Variants in STK33 observed in about 807,000 individuals in gnomAD.
STK33 encodes the protein serine/threonine-protein kinase 33.
Under a neutral mutation model 58.0 loss-of-function variants are expected in STK33, and 52 were observed. The ratio of observed to expected loss-of-function variants is 0.90; its 90% confidence interval spans 0.72 to 1.13. The LOEUF (loss-of-function observed/expected upper bound fraction) is 1.13. STK33 is among the 50% of genes most tolerant of loss of function. The pLI, the probability that STK33 is intolerant of heterozygous loss-of-function variation, is 0.00. For missense variants in STK33, 630 were observed against 604.2 expected (o/e 1.04, Z -0.45); for synonymous variants, 215 against 200.1 (o/e 1.07, Z -0.63).
chr11:8,451,584 G>T (rs1946282512), intron 11 of STK33, among the ~76,000 whole-genome samples: 1 of 152,178 alleles, frequency 6.6e-6, no homozygotes, highest in Non-Finnish European at 1.5e-5. Context: ...AGAGAGATTA[G>T]TGGCTACCTG....
At chr11:8,551,532 T>A (rs1369743033) in intron 1 of STK33, among the ~76,000 whole-genome samples, 2 of 152,170 alleles carry the variant, frequency 1.3e-5, no homozygotes, top group South Asian at 2.1e-4. Context: ...TCTCCCTGAG[T>A]TTTCACAATC....
chr11:8,553,167 A>AATATATATATAT (rs56363010), intron 1 of STK33, among the ~76,000 whole-genome samples: 1 of 68,184 alleles, frequency 1.5e-5, no homozygotes, highest in African/African-American at 4.4e-5. Context: ...CCAAAAATAA[A>AATATATATATAT]ATATATATAT....
chr11:8,585,014 C>G (rs1180651950), intron 1 of STK33, among the ~76,000 whole-genome samples: 2 of 151,168 alleles, frequency 1.3e-5, no homozygotes, highest in Non-Finnish European at 2.9e-5. Flanking sequence ...CCCCCGCCTC[C>G]TGGGTTCAAG....
At chr11:8,563,894 A>C (rs996379216) in intron 1 of STK33, among the ~76,000 whole-genome samples, 3 of 152,158 alleles carry the variant, frequency 2.0e-5, no homozygotes, top group African/African-American at 7.2e-5. Flanking sequence ...AACCTGGCAG[A>C]TTTGAGGAAA....
At chr11:8,461,968 T>C (rs993820845) in intron 7 of STK33, 59 bp from the exon 8 acceptor site, 3 of 1,324,518 alleles carry the variant, frequency 2.3e-6, no homozygotes, top group African/African-American at 3.0e-5. Context: ...CATTCCTTGA[T>C]AGAAAAGTTA....
intron 15 of STK33, among the ~76,000 whole-genome samples, chr11:8,395,766 T>C (rs1243465151): frequency 6.6e-6 from 1 of 152,236 alleles, no homozygotes; most frequent in African/African-American, 2.4e-5. Context: ...ATTTTGCACA[T>C]GACATTTTGC....
chr11:8,427,844 T>C (rs576413489), intron 14 of STK33, among the ~76,000 whole-genome samples: 36 of 152,334 alleles, frequency 2.4e-4, no homozygotes, highest in African/African-American at 7.9e-4. Flanking sequence ...TCTCTCTTAG[T>C]ATGTTCACTT....
intron 1 of STK33, among the ~76,000 whole-genome samples, chr11:8,548,918 G>A (rs1480520914): frequency 6.6e-6 from 1 of 152,024 alleles, no homozygotes; most frequent in Non-Finnish European, 1.5e-5. Flanking sequence ...TAATTTCTCA[G>A]ATTGTTCACT....
At chr11:8,360,400 C>A in the STK33 span, among the ~76,000 whole-genome samples, 1 of 152,250 alleles carries the variant, frequency 6.6e-6, no homozygotes, top group Admixed American at 6.5e-5. Context: ...CACACAAGGC[C>A]TAGCCCCAGG....
intron 6 of STK33, chr11:8,466,606 T>C (rs1214939944): frequency 6.6e-6 from 1 of 152,254 alleles, no homozygotes; most frequent in Admixed American, 6.5e-5. Context: ...ACATTAAGTG[T>C]CTGTGGCCTT....
intron 11 of STK33, among the ~76,000 whole-genome samples, chr11:8,448,847 ACCTACG>A (rs1945873316): frequency 6.6e-6 from 1 of 152,156 alleles, no homozygotes; most frequent in South Asian, 2.1e-4. Flanking sequence ...TGCACAGGCA[ACCTACG>A]GAATGGGAGA....
the STK33 span, among the ~76,000 whole-genome samples, chr11:8,337,737 T>G: frequency 3.3e-5 from 5 of 152,094 alleles, no homozygotes; most frequent in African/African-American, 4.8e-5. Flanking sequence ...GTCCTCACTT[T>G]GTTCACCCCA....
the STK33 span, among the ~76,000 whole-genome samples, chr11:8,368,382 C>T: frequency 6.6e-6 from 1 of 152,216 alleles, no homozygotes; most frequent in Admixed American, 6.5e-5. Context: ...AGGAGGGTCC[C>T]TGAGAGCGAT....
the STK33 span, among the ~76,000 whole-genome samples, chr11:8,355,465 C>T: frequency 6.6e-6 from 1 of 152,258 alleles, no homozygotes; most frequent in African/African-American, 2.4e-5. Context: ...CCCACTGGGT[C>T]GCACAACTGG....
chr11:8,381,714 C>G, the STK33 span, among the ~76,000 whole-genome samples: 1 of 152,188 alleles, frequency 6.6e-6, no homozygotes, highest in Non-Finnish European at 1.5e-5. Flanking sequence ...ACCCTTTACA[C>G]CTCCAACGAT....
At chr11:8,497,837 T>A (rs898711975) in intron 1 of STK33, among the ~76,000 whole-genome samples, 1 of 152,094 alleles carries the variant, frequency 6.6e-6, no homozygotes, top group African/African-American at 2.4e-5. Context: ...AAACTAACTT[T>A]CAAAAATAAA....
At chr11:8,458,746 C>A (rs1051785748) in intron 8 of STK33, among the ~76,000 whole-genome samples, 1 of 152,110 alleles carries the variant, frequency 6.6e-6, no homozygotes, top group Admixed American at 6.5e-5. Context: ...CTTTTTCATA[C>A]ATATTTCTAT....
In STK33 at chr11:8,452,874, T is replaced by C. The variant is rs1208829326; in HGVS notation, c.819A>G (p.Gln273=). The change falls in exon 11 of 16, where the codon CAA becomes CAG. Residue 273 remains glutamine, a synonymous_variant. Coordinates refer to ENST00000687296, the MANE Select transcript of STK33 (RefSeq NM_001352389.2). Reference sequence around the variant, plus strand: ...CCTGCAGCATGGCTTCACTCCTACTTTGCTTCTTCACCGCTAAGCCAAAAT... The same window carrying C: ...CCTGCAGCATGGCTTCACTCCTACTCTGCTTCTTCACCGCTAAGCCAAAAT... ...VTDFGLAVKK[Q]SRSEAMLQAT... is the part of the protein sequence containing the mutation. The C allele has an allele frequency of 3.7e-6, 6 of 1,614,122 alleles. No homozygotes were observed. In the Admixed American group the frequency reaches 6.7e-5, roughly 18 times the overall value.
the STK33 span, among the ~76,000 whole-genome samples, chr11:8,346,534 T>C: frequency 6.6e-6 from 1 of 152,168 alleles, no homozygotes; most frequent in African/African-American, 2.4e-5. Flanking sequence ...CATGGTGCTC[T>C]GAGATAGAGC....
Sources: allele counts gnomAD v4.1 joint callset (sites outside exome capture counted in the v4.1 genomes callset), GRCh38; gene constraint gnomAD v4.1.1; transcripts MANE v1.5; gene names NCBI Gene and HGNC (gene_info 2026-07-23, HGNC 2026-07-21).